MICAL2: variants seen among roughly 807,000 people sequenced by gnomAD.
MICAL2 encodes microtubule associated monooxygenase, calponin and LIM domain containing 2, also known as [F-actin]-monooxygenase MICAL2.
A neutral mutation model predicts 127.3 loss-of-function variants in MICAL2; 77 were observed. The observed-to-expected ratio is 0.60, with a 90% CI of 0.50 to 0.73. MICAL2 has a LOEUF of 0.73. MICAL2 is among the 30% of genes least tolerant of loss of function. MICAL2 has a pLI of 0.00. For synonymous variants in MICAL2, 570 were observed against 551.1 expected, an observed-to-expected ratio of 1.03 and a Z score of -0.48; for missense variants, 1,351 against 1,434.4, an observed-to-expected ratio of 0.94 and a Z score of 0.94.
rs896780171 is a variant in MICAL2, at chr11:12,261,024, C to G, written c.3334+1127C>G. On this transcript the variant is annotated intron_variant, in intron 26 of 27. Coordinates refer to ENST00000683283, the MANE Select transcript of MICAL2 (RefSeq NM_001282663.2). ...ATGGCATTTTAGCCCCTGTGGCTCC[C>G]AGCGGATCCCCCAGCCCGGGCTGCA... 6.9e-5 allele frequency: 68 copies of G among 985,578 alleles called. No homozygotes were observed. In the African/African-American group the frequency reaches 1.0e-3, roughly 15 times the overall value. 61.1% of individuals were successfully genotyped at this position (985,578 alleles called of 1,614,324 possible). A position where few individuals can be genotyped will look rare whatever the true frequency, so the allele number is the denominator to read the frequency against.
intron 21 of MICAL2, among the ~76,000 whole-genome samples, chr11:12,246,751 T>C (rs2706628): frequency 0.99 from 150,482 of 152,278 alleles, 74,379 homozygotes; most frequent in Non-Finnish European, 1. Context: ...GGACTATAGA[T>C]GTGAATCACC....
At chr11:12,134,744 C>G (rs1318980502) in intron 1 of MICAL2, among the ~76,000 whole-genome samples, 2 of 152,096 alleles carry the variant, frequency 1.3e-5, no homozygotes, top group African/African-American at 2.4e-5. Context: ...CATACCAACA[C>G]TTTGGGAGGC....
At chr11:12,236,633 G>A (rs1025391197) in intron 16 of MICAL2, among the ~76,000 whole-genome samples, 5 of 152,176 alleles carry the variant, frequency 3.3e-5, no homozygotes, top group South Asian at 2.1e-4. Context: ...CCCAATCATC[G>A]TTTGTATCCA....
At chr11:12,263,228 A>G (rs1863361525) in intron 27 of MICAL2, 1 of 152,170 alleles carries the variant, frequency 6.6e-6, no homozygotes, top group Non-Finnish European at 1.5e-5. Flanking sequence ...AGCCATCATC[A>G]TCCCAGGCAG....
At chr11:12,313,261 G>A (rs1864195640) in intron 29 of MICAL2, among the ~76,000 whole-genome samples, 1 of 150,878 alleles carries the variant, frequency 6.6e-6, no homozygotes, top group Non-Finnish European at 1.5e-5. Flanking sequence ...GAGGTGGAAA[G>A]TTAGAGTAAT....
intron 30 of MICAL2, among the ~76,000 whole-genome samples, chr11:12,320,740 G>T (rs1171825920): frequency 6.6e-6 from 1 of 152,004 alleles, no homozygotes; most frequent in Non-Finnish European, 1.5e-5. Context: ...TCACTCTGGG[G>T]TTCCAACTCC....
At position 12,326,062 on chromosome 11, in the gene MICAL2, G is replaced by A. The variant is rs529848591; in HGVS notation, c.5422-1111G>A. ...CTCATAGCTGGGACAAGAAGAGCCC[G>A]GTGGCTGTGCAGGCCCCACCCCTCC... On this transcript the variant is annotated intron_variant, in intron 31 of 34. Transcript: ENST00000646065. Among the ~76,000 whole-genome samples, 8 of 152,324 alleles carry A rather than the reference G, an allele frequency of 5.3e-5. No individual in the cohort carries two copies. The East Asian group carries it at 5.8e-4, about 11-fold the overall frequency.
At chr11:12,165,023 C>T (rs933890514) in intron 3 of MICAL2, among the ~76,000 whole-genome samples, 1 of 151,614 alleles carries the variant, frequency 6.6e-6, no homozygotes, top group African/African-American at 2.4e-5. Flanking sequence ...CCTGTAGTCC[C>T]AGCTACTCAG....
At chr11:12,267,769 CTT>C (rs1458695177), downstream of MICAL2, among the ~76,000 whole-genome samples, 3 of 152,188 alleles carry the variant, frequency 2.0e-5, no homozygotes, top group African/African-American at 7.2e-5. Context: ...ACCCAGCTAA[CTT>C]TTGTATTTTT....
chr11:12,224,297 A>G (rs1857153003), intron 12 of MICAL2: 1 of 195,618 alleles, frequency 5.1e-6, no homozygotes, highest in Non-Finnish European at 1.1e-5. Flanking sequence ...CCCAGCGCAG[A>G]CTCAGGCAAA....
intron 33 of MICAL2, among the ~76,000 whole-genome samples, chr11:12,353,459 C>G (rs1191494599): frequency 6.6e-6 from 1 of 151,914 alleles, no homozygotes; most frequent in Non-Finnish European, 1.5e-5. Flanking sequence ...TGTCTTCAAA[C>G]TGTTTCTTTA....
chr11:12,203,120 A>C (rs1425323877), intron 3 of MICAL2, among the ~76,000 whole-genome samples: 1 of 152,208 alleles, frequency 6.6e-6, no homozygotes, highest in Non-Finnish European at 1.5e-5. Context: ...TGGCTGAATA[A>C]TATTCCATTG....
chr11:12,214,838 C>CA (rs1307249240), intron 7 of MICAL2, among the ~76,000 whole-genome samples: 1 of 152,182 alleles, frequency 6.6e-6, no homozygotes, highest in Non-Finnish European at 1.5e-5. Context: ...CACACACACA[C>CA]ACACACACAA....
intron 33 of MICAL2, among the ~76,000 whole-genome samples, chr11:12,351,152 G>T (rs1405213536): frequency 6.6e-6 from 1 of 152,096 alleles, no homozygotes; most frequent in African/African-American, 2.4e-5. Context: ...TACAAATAAG[G>T]TCACATTCAG....
At position 12,242,771 on chromosome 11, in the gene MICAL2, A is replaced by G. The variant is rs1458672509; in HGVS notation, c.2657A>G (p.Gln886Arg). 1.2e-6 allele frequency: 2 copies of G among 1,603,388 alleles called. No individual in the cohort carries two copies. Among genetic ancestry groups the G allele is most frequent in the East Asian group, 4.5e-5 (2 of 44,184 alleles). ...ASMFGHGDFP[Q>R]NKLLSKGLSH... ...ATGTTTGGACACGGGGATTTCCCGC[A>G]GGTAAACATGGGGCTTTCAGAGCCC... The change falls in exon 20 of 28, where the codon CAG (glutamine) becomes CGG (arginine). Residue 886 changes from glutamine (Q) to arginine (R), a missense_variant and splice_region_variant. Physicochemically the swap from Gln to Arg is conservative, Grantham distance 43 (BLOSUM62 1). Around this residue, in one of 2 missense-constraint regions of MICAL2, gnomAD observed 752 missense variants for 719.4 expected, o/e 1.05. Coordinates refer to ENST00000683283, the MANE Select transcript of MICAL2 (RefSeq NM_001282663.2).
intron 1 of MICAL2, among the ~76,000 whole-genome samples, chr11:12,280,026 C>G (rs1028700050): frequency 6.6e-6 from 1 of 152,196 alleles, no homozygotes; most frequent in African/African-American, 2.4e-5. Context: ...ACTGCTTGAG[C>G]AGTTTTGTAC....
Position 12,135,442 on chromosome 11 carries a change from C to T in MICAL2, c.-148-2948C>T, listed in dbSNP as rs190748046. ...CCCAAGCAGAGGGCTCCAGAAGTGC[C>T]GTTACCCACCCACTCTGATGCAGAC... On this transcript the variant is annotated intron_variant, in intron 1 of 27. Transcript: ENST00000683283. Among the ~76,000 whole-genome samples the T allele has an allele frequency of 3.5e-4, 53 of 152,188 alleles. No individual in the cohort carries two copies. In the East Asian group the frequency reaches 7.9e-3, roughly 23 times the overall value.
At chr11:12,215,486 C>T (rs1311796405) in intron 7 of MICAL2, among the ~76,000 whole-genome samples, 1 of 152,220 alleles carries the variant, frequency 6.6e-6, no homozygotes, top group Admixed American at 6.5e-5. Context: ...GCACAGCGTG[C>T]TGGCCCTATC....
intron 3 of MICAL2, among the ~76,000 whole-genome samples, chr11:12,175,398 C>G (rs1856722435): frequency 6.6e-6 from 1 of 152,040 alleles, no homozygotes; most frequent in African/African-American, 2.4e-5. Context: ...ACTGCTTGAA[C>G]CCAGGAGGTG....
Sources: allele counts gnomAD v4.1 joint callset (sites outside exome capture counted in the v4.1 genomes callset), GRCh38; gene constraint gnomAD v4.1.1; regional missense constraint gnomAD v4.1.1; transcripts MANE v1.5; gene names NCBI Gene and HGNC (gene_info 2026-07-23, HGNC 2026-07-21).